Variants in ZNF385D observed in about 807,000 individuals in gnomAD.
The protein encoded by ZNF385D is zinc finger protein 659.
Under a neutral mutation model 35.8 loss-of-function variants are expected in ZNF385D, and 15 were observed. That is an observed-to-expected ratio of 0.42 (90% CI 0.28 to 0.64). The LOEUF is 0.64. Among genes scored for constraint, ZNF385D ranks in the 30% least tolerant of loss-of-function variants. ZNF385D has a pLI of 0.23. For missense variants in ZNF385D, 474 were observed against 494.6 expected, an observed-to-expected ratio of 0.96 and a Z score of 0.39; for synonymous variants, 212 against 186.8, an observed-to-expected ratio of 1.13 and a Z score of -1.10.
intron 2 of ZNF385D, among the ~76,000 whole-genome samples, chr3:22,307,002 A>G (rs1703262984): frequency 6.6e-6 from 1 of 152,172 alleles, no homozygotes; most frequent in South Asian, 2.1e-4. Context: ...AAGGTAACAT[A>G]ATACCCCATT....
At chr3:21,608,207 C>G (rs138169204) in intron 2 of ZNF385D, among the ~76,000 whole-genome samples, 1 of 151,846 alleles carries the variant, frequency 6.6e-6, no homozygotes, top group Non-Finnish European at 1.5e-5. Context: ...GATGGAGTTT[C>G]ACCATGTTAC....
At chr3:22,009,785 G>A (rs1696455134) in intron 3 of ZNF385D, among the ~76,000 whole-genome samples, 1 of 152,032 alleles carries the variant, frequency 6.6e-6, no homozygotes, top group Non-Finnish European at 1.5e-5. Context: ...TTGATAAAGA[G>A]AGAATTTTAA....
chr3:21,969,131 T>G (rs1184565117), intron 3 of ZNF385D, among the ~76,000 whole-genome samples: 9 of 152,068 alleles, frequency 5.9e-5, no homozygotes, highest in African/African-American at 2.2e-4. Flanking sequence ...CTCCTCTGCT[T>G]GTAAAATGGG....
At chr3:21,777,443 C>G (rs866471796) in intron 3 of ZNF385D, among the ~76,000 whole-genome samples, 1 of 151,876 alleles carries the variant, frequency 6.6e-6, no homozygotes, top group African/African-American at 2.4e-5. Context: ...ATCTCAGCAC[C>G]AACTTAGTTG....
In ZNF385D at chr3:21,437,701, C is replaced by CAAAAAAA. The variant is rs751739275; in HGVS notation, c.440-505_440-499dup. Among the ~76,000 whole-genome samples the CAAAAAAA allele has an allele frequency of 1.4e-3, 107 of 77,194 alleles. 10 individuals carry two copies. The highest frequency in any genetic ancestry group is 4.7e-3 in the African/African-American group (89 of 19,082). The allele number at this position is 77,194 out of a possible 152,430, so 50.6% of individuals were successfully genotyped here. On this transcript the variant is annotated intron_variant, in intron 4 of 7. Coordinates refer to ENST00000281523, the MANE Select transcript of ZNF385D (RefSeq NM_024697.3). The stretch of plus-strand genomic sequence containing the variant: ...ACAGATCCTTTTGCAAATGCTTATA[C>CAAAAAAA]AAAAAAAAAAAAAAAAAACCGGAAC...
intron 3 of ZNF385D, among the ~76,000 whole-genome samples, chr3:22,153,447 G>A (rs1705387961): frequency 6.8e-6 from 1 of 147,102 alleles, no homozygotes; most frequent in Non-Finnish European, 1.5e-5. Context: ...AATTCTGTTT[G>A]TCACCATGAA....
intron 2 of ZNF385D, among the ~76,000 whole-genome samples, chr3:22,185,209 T>C (rs1328081539): frequency 2.0e-5 from 3 of 152,118 alleles, no homozygotes; most frequent in Non-Finnish European, 4.4e-5. Flanking sequence ...AATAAATGTA[T>C]AGATCAATAA....
intron 3 of ZNF385D, among the ~76,000 whole-genome samples, chr3:21,954,504 A>C (rs1702201789): frequency 6.6e-6 from 1 of 152,068 alleles, no homozygotes; most frequent in Non-Finnish European, 1.5e-5. Context: ...CTCATTTTGC[A>C]GCAATTTTAG....
intron 2 of ZNF385D, among the ~76,000 whole-genome samples, chr3:22,278,799 C>T (rs1701565447): frequency 6.6e-6 from 1 of 152,134 alleles, no homozygotes; most frequent in African/African-American, 2.4e-5. Flanking sequence ...AATTCCTTCT[C>T]TTGGGCAGGG....
chr3:22,068,215 A>C (rs1700055940), intron 3 of ZNF385D, among the ~76,000 whole-genome samples: 2 of 152,190 alleles, frequency 1.3e-5, no homozygotes, highest in Non-Finnish European at 2.9e-5. Context: ...ATGCTCTTTC[A>C]GACAGTTGTA....
At chr3:21,922,224 C>G (rs1403493496) in intron 3 of ZNF385D, among the ~76,000 whole-genome samples, 1 of 152,084 alleles carries the variant, frequency 6.6e-6, no homozygotes, top group Non-Finnish European at 1.5e-5. Context: ...AAGCAATCTA[C>G]AGATTCACTG....
chr3:21,983,168 T>G (rs992603749), intron 3 of ZNF385D, among the ~76,000 whole-genome samples: 1 of 46,878 alleles, frequency 2.1e-5, no homozygotes, highest in Non-Finnish European at 3.9e-5. Context: ...TATTTTATTA[T>G]TTTTTTTTAT....
chr3:21,580,557 T>C (rs1451595911), intron 2 of ZNF385D, among the ~76,000 whole-genome samples: 1 of 152,074 alleles, frequency 6.6e-6, no homozygotes, highest in Admixed American at 6.6e-5. Flanking sequence ...CTTGCTTTAC[T>C]GCCTATTTTT....
At chr3:22,034,510 G>A (rs374788812) in intron 3 of ZNF385D, among the ~76,000 whole-genome samples, 1 of 151,922 alleles carries the variant, frequency 6.6e-6, no homozygotes, top group Non-Finnish European at 1.5e-5. Context: ...GAATTTACAT[G>A]GTAAAATTCT....
At chr3:21,926,737 T>G (rs1700748269) in intron 3 of ZNF385D, among the ~76,000 whole-genome samples, 1 of 152,144 alleles carries the variant, frequency 6.6e-6, no homozygotes, top group South Asian at 2.1e-4. Flanking sequence ...GGCATAGGCA[T>G]GGGCAAAGAC....
intron 1 of ZNF385D, among the ~76,000 whole-genome samples, chr3:21,685,209 C>T (rs183933155): frequency 2.0e-5 from 3 of 152,188 alleles, no homozygotes; most frequent in East Asian, 1.9e-4. Flanking sequence ...TCTCAATGAA[C>T]GTAGAAAAGT....
At chr3:22,186,082 G>C (rs1695611811) in intron 2 of ZNF385D, among the ~76,000 whole-genome samples, 1 of 152,094 alleles carries the variant, frequency 6.6e-6, no homozygotes, top group Admixed American at 6.6e-5. Context: ...CTTAAATAAT[G>C]TTTCCAAATT....
chr3:21,836,916 C>T (rs1695363546), intron 3 of ZNF385D, among the ~76,000 whole-genome samples: 1 of 152,002 alleles, frequency 6.6e-6, no homozygotes, highest in Non-Finnish European at 1.5e-5. Context: ...TTCCACTCTT[C>T]TTCTCTTCCC....
intron 2 of ZNF385D, among the ~76,000 whole-genome samples, chr3:22,279,372 T>C (rs185870270): frequency 3.1e-4 from 47 of 151,940 alleles, no homozygotes; most frequent in African/African-American, 8.9e-4. Context: ...GGTCTTCCAC[T>C]CCTGAATTAC....
Sources: allele counts gnomAD v4.1 joint callset (sites outside exome capture counted in the v4.1 genomes callset), GRCh38; gene constraint gnomAD v4.1.1; transcripts MANE v1.5; gene names NCBI Gene and HGNC (gene_info 2026-07-23, HGNC 2026-07-21).